Variants in CMTM4 observed in about 807,000 individuals in gnomAD.
CMTM4 encodes the protein CKLF-like MARVEL transmembrane domain-containing protein 4.
CMTM4 carries 8 observed loss-of-function variants against 19.0 expected under a neutral mutation model. The ratio of observed to expected loss-of-function variants is 0.42; its 90% CI spans 0.25 to 0.76. The LOEUF (loss-of-function observed/expected upper bound fraction) is 0.76. CMTM4 is among the 30% of genes least tolerant of loss of function. The pLI, the probability that CMTM4 is intolerant of heterozygous loss-of-function variation, is 0.27. For synonymous variants in CMTM4, 106 were observed against 121.1 expected, an observed-to-expected ratio of 0.88 and a Z score of 0.82; for missense variants, 228 against 290.2, an observed-to-expected ratio of 0.79 and a Z score of 1.56.
chr16:66,621,121 T>C lies in CMTM4; in HGVS notation c.*937A>G, dbSNP rs1278583437. 3 of 985,710 alleles carry C rather than the reference T, an allele frequency of 3.0e-6. No individual in the cohort carries two copies. Among genetic ancestry groups the C allele is most frequent in the Non-Finnish European group, 3.6e-6 (3 of 829,928 alleles). 61.1% of individuals were successfully genotyped at this position (985,710 alleles called of 1,614,324 possible). Reference sequence around the variant, plus strand: ...AACTCTTTGCAGGCATTTAGAAAATTAGCACACATCCCTAAAATAGAGGGG... The same window carrying C: ...AACTCTTTGCAGGCATTTAGAAAATCAGCACACATCCCTAAAATAGAGGGG... On this transcript the variant is annotated 3_prime_UTR_variant, in exon 4 of 4. Transcript: ENST00000394106.
downstream of CMTM4, chr16:66,609,905 T>A (rs375432807): frequency 6.2e-7 from 1 of 1,614,020 alleles, no homozygotes; most frequent in Non-Finnish European, 8.5e-7. The surrounding 1 kb of genome is among the most constrained non-coding windows in gnomAD (Gnocchi z 4.4). Flanking sequence ...TTTGCTACCA[T>A]CGTGTTTGCA....
At chr16:66,664,354 A>G (rs971422615) in intron 1 of CMTM4, among the ~76,000 whole-genome samples, 2 of 152,190 alleles carry the variant, frequency 1.3e-5, no homozygotes, top group African/African-American at 4.8e-5. Context: ...CCAGAGGGAA[A>G]CTTGGAATAT....
the CMTM4 span, among the ~76,000 whole-genome samples, chr16:66,607,360 T>C: frequency 6.6e-6 from 1 of 152,362 alleles, no homozygotes; most frequent in African/African-American, 2.4e-5. Flanking sequence ...TGGCCCTGTA[T>C]GAATAAGGCA....
intron 1 of CMTM4, among the ~76,000 whole-genome samples, chr16:66,641,001 C>T (rs776353042): frequency 1.3e-5 from 2 of 152,198 alleles, no homozygotes; most frequent in African/African-American, 4.8e-5. Context: ...AAGCCACCCC[C>T]CAAATTCCTG....
In CMTM4 at chr16:66,621,090, T is replaced by C; in HGVS notation, c.*968A>G. The C allele has an allele frequency of 3.0e-6, 3 of 985,868 alleles. No homozygotes were observed. The highest frequency in any genetic ancestry group is 3.6e-6 in the Non-Finnish European group (3 of 829,942). The allele number at this position is 985,868 out of a possible 1,614,324, so 61.1% of individuals were successfully genotyped here. ...TCCTAGACGAATCTGCTCAGAATCATTTTAGAACTCTTTGCAGGCATTTAG... is the reference window on the plus strand; with the variant it reads ...TCCTAGACGAATCTGCTCAGAATCACTTTAGAACTCTTTGCAGGCATTTAG... On this transcript the variant is annotated 3_prime_UTR_variant, in exon 4 of 4. Coordinates refer to ENST00000394106, the MANE Select transcript of CMTM4 (RefSeq NM_181521.3).
At chr16:66,614,065 C>T (rs773136156), downstream of CMTM4, among the ~76,000 whole-genome samples, 28 of 152,194 alleles carry the variant, frequency 1.8e-4, no homozygotes, top group Non-Finnish European at 3.4e-4. The surrounding 1 kb of genome is among the most constrained non-coding windows in gnomAD (Gnocchi z 4.9). Flanking sequence ...GAGCACACAA[C>T]CTAGATCCGT....
intron 1 of CMTM4, among the ~76,000 whole-genome samples, chr16:66,688,553 T>C (rs900349893): frequency 6.8e-6 from 1 of 146,962 alleles, no homozygotes; most frequent in African/African-American, 2.6e-5. Flanking sequence ...CACACACACA[T>C]TCTACCCTAA....
At chr16:66,601,097 G>T in the CMTM4 span, among the ~76,000 whole-genome samples, 1 of 148,804 alleles carries the variant, frequency 6.7e-6, no homozygotes, top group South Asian at 2.2e-4. Context: ...GTGTGTGTGT[G>T]TGTGTGTGTC....
intron 1 of CMTM4, among the ~76,000 whole-genome samples, chr16:66,645,958 G>C (rs959751697): frequency 6.6e-6 from 1 of 152,126 alleles, no homozygotes; most frequent in Non-Finnish European, 1.5e-5. Context: ...CAGCCTGGGC[G>C]ACAGAGCGAG....
At chr16:66,647,157 A>T (rs1417925873) in intron 1 of CMTM4, among the ~76,000 whole-genome samples, 1 of 151,296 alleles carries the variant, frequency 6.6e-6, no homozygotes, top group Admixed American at 6.6e-5. Context: ...CTACTAAAAA[A>T]AAAAAAAATA....
At chr16:66,652,267 G>T (rs753344393) in intron 1 of CMTM4, among the ~76,000 whole-genome samples, 4 of 152,204 alleles carry the variant, frequency 2.6e-5, no homozygotes, top group Non-Finnish European at 5.9e-5. Flanking sequence ...ACGGCAGCAA[G>T]GTGTGCACTC....
At chr16:66,633,928 G>A (rs1312884163) in intron 2 of CMTM4, among the ~76,000 whole-genome samples, 2 of 152,004 alleles carry the variant, frequency 1.3e-5, no homozygotes, top group East Asian at 1.9e-4. Flanking sequence ...AGTCTAGAAC[G>A]GATCCCAAAG....
chr16:66,682,007 G>A (rs558292391), intron 1 of CMTM4, among the ~76,000 whole-genome samples: 4 of 152,154 alleles, frequency 2.6e-5, no homozygotes, highest in African/African-American at 4.8e-5. Flanking sequence ...GCCCACTATC[G>A]CCAGGCCTCT....
intron 1 of CMTM4, among the ~76,000 whole-genome samples, chr16:66,648,040 T>C (rs548566194): frequency 6.6e-6 from 1 of 152,330 alleles, no homozygotes; most frequent in South Asian, 2.1e-4. Context: ...GGCTGCCAAA[T>C]ATTTGTGGTT....
the CMTM4 span, among the ~76,000 whole-genome samples, chr16:66,601,843 TG>T: frequency 6.6e-6 from 1 of 152,198 alleles, no homozygotes; most frequent in South Asian, 2.1e-4. Flanking sequence ...AGCTGTGGTT[TG>T]GGCAGCTGTA....
In CMTM4 at chr16:66,622,216, C is replaced by A; in HGVS notation, c.469G>T (p.Gly157Cys). The change falls in exon 4 of 4, where the codon GGC (glycine) becomes TGC (cysteine). Residue 157 changes from glycine (G) to cysteine (C), a missense_variant. Gly to Cys is a radical substitution (Grantham distance 159, BLOSUM62 -3). Around this residue, in one of 3 missense-constraint regions of CMTM4, gnomAD observed 200 missense variants for 226.6 expected, o/e 0.88. Transcript: ENST00000394106. The surrounding 1 kb of genome is among the most constrained non-coding windows in gnomAD (Gnocchi z 4.0). ...GCATATGCCGCAGTCGCCAAGAAGCCAAATATCTAAAAACACACCAGCACA... is the reference window on the plus strand; with the variant it reads ...GCATATGCCGCAGTCGCCAAGAAGCAAAATATCTAAAAACACACCAGCACA... ...AGAEIAAVIF[G>C]FLATAAYAVN... 1 of 1,613,738 alleles carries A rather than the reference C, an allele frequency of 6.2e-7. No homozygotes were observed. The highest frequency in any genetic ancestry group is 8.5e-7 in the Non-Finnish European group (1 of 1,179,930).
rs2015549809 is a variant in CMTM4, at chr16:66,617,519, A to G, written c.*4539T>C. On this transcript the variant is annotated 3_prime_UTR_variant, in exon 4 of 4. Coordinates refer to ENST00000394106, the MANE Select transcript of CMTM4 (RefSeq NM_181521.3). Reference sequence around the variant, plus strand: ...CTTGCATGAAGAAGAATTAAACAGAACATTCACTTTCGGAAGAAAATTTTT... The same window carrying G: ...CTTGCATGAAGAAGAATTAAACAGAGCATTCACTTTCGGAAGAAAATTTTT... 1 of 1,384,240 alleles carries G rather than the reference A, an allele frequency of 7.2e-7. No homozygotes were observed. Among genetic ancestry groups the G allele is most frequent in the Non-Finnish European group, 9.3e-7 (1 of 1,070,940 alleles). The allele number at this position is 1,384,240 out of a possible 1,614,324, so 85.7% of individuals were successfully genotyped here. A position where few individuals can be genotyped will look rare whatever the true frequency, so the allele number is the denominator to read the frequency against.
intron 2 of CMTM4, among the ~76,000 whole-genome samples, chr16:66,627,278 T>C (rs2015761722): frequency 6.6e-6 from 1 of 152,176 alleles, no homozygotes; most frequent in Non-Finnish European, 1.5e-5. Flanking sequence ...ATAATTTAAA[T>C]GAAAAAGCAT....
chr16:66,694,691 C>A (rs202130930), intron 1 of CMTM4, among the ~76,000 whole-genome samples: 1 of 131,860 alleles, frequency 7.6e-6, no homozygotes, highest in Non-Finnish European at 1.5e-5. Flanking sequence ...CCAGCCTGGG[C>A]GACAGAGCTA....
Sources: gnomAD v4.1 joint callset for allele counts (sites outside exome capture counted in the v4.1 genomes callset) on GRCh38, gnomAD v4.1.1 for gene constraint, gnomAD v4.1.1 regional missense constraint, Gnocchi (gnomAD v3.1) non-coding constraint, MANE v1.5 for transcripts, NCBI Gene and HGNC (gene_info 2026-07-23, HGNC 2026-07-21) for gene names.